Variants in UCK2 observed in about 807,000 individuals in gnomAD.
UCK2 encodes the protein cytidine monophosphokinase 2.
Under a neutral mutation model 30.8 loss-of-function variants are expected in UCK2, and 6 were observed. That is an observed-to-expected ratio of 0.19 (90% CI 0.11 to 0.38). UCK2 has a LOEUF of 0.38. Among genes scored for constraint, UCK2 ranks in the 10% least tolerant of loss-of-function variants. The probability of loss-of-function intolerance (pLI) is 1.00; values close to 1 mark genes in which losing one functional copy is unlikely to be tolerated. For missense variants in UCK2, 210 were observed against 339.8 expected, an observed-to-expected ratio of 0.62 and a Z score of 3.00; for synonymous variants, 125 against 133.6, an observed-to-expected ratio of 0.94 and a Z score of 0.45.
At chr1:165,903,128 G>A in intron 4 of UCK2, 54 bp from the exon 5 acceptor site, 2 of 1,422,806 alleles carry the variant, frequency 1.4e-6, no homozygotes, top group Admixed American at 1.8e-5. Flanking sequence ...TGAAGGGCGG[G>A]TGTGTGCTGG....
chr1:165,849,298 C>G (rs1321252287), intron 1 of UCK2, among the ~76,000 whole-genome samples: 1 of 152,080 alleles, frequency 6.6e-6, no homozygotes. Context: ...TGGAGGTGGT[C>G]AGGTGGTGGA....
chr1:165,891,833 C>T (rs1655777498), intron 3 of UCK2, among the ~76,000 whole-genome samples: 2 of 152,012 alleles, frequency 1.3e-5, no homozygotes. Flanking sequence ...AGTGAAGCCT[C>T]AATTTTAGTG....
chr1:165,878,077 A>C (rs974993309), intron 1 of UCK2, among the ~76,000 whole-genome samples: 3 of 152,310 alleles, frequency 2.0e-5, no homozygotes, highest in African/African-American at 7.2e-5. Flanking sequence ...GTTATCCACC[A>C]TTATAGCATC....
intron 5 of UCK2, among the ~76,000 whole-genome samples, chr1:165,903,717 CCA>C (rs1647561532): frequency 6.6e-6 from 1 of 152,220 alleles, no homozygotes; most frequent in Admixed American, 6.5e-5. Flanking sequence ...CCTGCCATCA[CCA>C]CTGAGCCCTG....
chr1:165,843,371 T>G (rs1341220058), intron 1 of UCK2, among the ~76,000 whole-genome samples: 5 of 152,192 alleles, frequency 3.3e-5, no homozygotes. Flanking sequence ...AAATGAACCC[T>G]ACATTTATGG....
At chr1:165,874,560 T>C (rs941466765) in intron 1 of UCK2, among the ~76,000 whole-genome samples, 1 of 152,190 alleles carries the variant, frequency 6.6e-6, no homozygotes, top group Non-Finnish European at 1.5e-5. Context: ...TTTGGATGTC[T>C]TTAATAGACA....
chr1:165,898,010 A>C (rs1389621567), intron 4 of UCK2: 1 of 152,112 alleles, frequency 6.6e-6, no homozygotes, highest in African/African-American at 2.4e-5. Context: ...GCTGGGTAAG[A>C]GTTGCATGGT....
intron 1 of UCK2, among the ~76,000 whole-genome samples, chr1:165,843,797 G>A (rs1654383806): frequency 6.6e-6 from 1 of 152,178 alleles, no homozygotes; most frequent in Admixed American, 6.5e-5. Context: ...TTAATCAGAA[G>A]TAACACATGT....
intron 1 of UCK2, among the ~76,000 whole-genome samples, chr1:165,864,160 C>G (rs952813309): frequency 6.6e-6 from 1 of 152,172 alleles, no homozygotes; most frequent in African/African-American, 2.4e-5. Flanking sequence ...GTTGGTCAGG[C>G]TGGTCTCGAA....
rs1433082925 is a variant in UCK2, at chr1:165,896,170, A to G, written c.357-20A>G. 6.2e-7 allele frequency: 1 copy of G among 1,613,532 alleles called. No homozygotes were observed. The highest frequency in any genetic ancestry group is 2.2e-5 in the East Asian group (1 of 44,882). ...TAGCCCCTGCCTGGCTTGGCCCATTATCTGCTCTGTGCTTTGCAGGAAGGA... is the reference window on the plus strand; with the variant it reads ...TAGCCCCTGCCTGGCTTGGCCCATTGTCTGCTCTGTGCTTTGCAGGAAGGA... On this transcript the variant is annotated intron_variant, in intron 3 of 6. Coordinates refer to ENST00000367879, the MANE Select transcript of UCK2 (RefSeq NM_012474.5).
intron 1 of UCK2, among the ~76,000 whole-genome samples, chr1:165,860,163 T>C (rs1452148994): frequency 6.6e-6 from 1 of 152,218 alleles, no homozygotes; most frequent in African/African-American, 2.4e-5. Flanking sequence ...GCTCACCCTG[T>C]GTCCCACTGC....
At chr1:165,831,959 G>T (rs1654059183) in intron 1 of UCK2, among the ~76,000 whole-genome samples, 1 of 152,038 alleles carries the variant, frequency 6.6e-6, no homozygotes, top group Non-Finnish European at 1.5e-5. Flanking sequence ...ATAGAGGTGG[G>T]GGTTTCACCA....
Position 165,891,267 on chromosome 1 carries a change from A to G in UCK2, c.301A>G (p.Ile101Val). 2 of 1,614,212 alleles carry G rather than the reference A, an allele frequency of 1.2e-6. No homozygotes were observed. The highest frequency in any genetic ancestry group is 1.3e-5 in the African/African-American group (1 of 75,058). ...ACTCATTCTCAAAACACTCAAAGAAATCACTGAAGGGAAAACAGTCCAGAT... is the reference window on the plus strand; with the variant it reads ...ACTCATTCTCAAAACACTCAAAGAAGTCACTGAAGGGAAAACAGTCCAGAT... ...NELILKTLKE[I>V]TEGKTVQIPV... is the part of the protein sequence containing the mutation. The change falls in exon 3 of 7, where the codon ATC (isoleucine) becomes GTC (valine). Residue 101 changes from isoleucine (I) to valine (V), a missense_variant. Transcript: ENST00000367879.
chr1:165,861,309 CT>C (rs1221229989), intron 1 of UCK2, among the ~76,000 whole-genome samples: 1 of 152,096 alleles, frequency 6.6e-6, no homozygotes, highest in African/African-American at 2.4e-5. Context: ...TTAGCAGCAA[CT>C]TTTCATATAA....
In UCK2 at chr1:165,895,591, G is replaced by A. The variant is rs1048321190; in HGVS notation, c.357-599G>A. 21 of 985,618 alleles carry A rather than the reference G, an allele frequency of 2.1e-5. No homozygotes were observed. The East Asian group carries it at 3.4e-4, about 16-fold the overall frequency. 61.1% of individuals were successfully genotyped at this position (985,618 alleles called of 1,614,324 possible). A position where few individuals can be genotyped will look rare whatever the true frequency, so the allele number is the denominator to read the frequency against. On this transcript the variant is annotated intron_variant, in intron 3 of 6. Coordinates refer to ENST00000367879, the MANE Select transcript of UCK2 (RefSeq NM_012474.5). ...GGCCACTTTGTTGGTTTGGGGTAGA[G>A]CCAGACCAGACAGACGTCGGGATTC... is the stretch of plus-strand genomic sequence containing the variant.
At chr1:165,872,712 G>A (rs974657645) in intron 1 of UCK2, among the ~76,000 whole-genome samples, 6 of 152,228 alleles carry the variant, frequency 3.9e-5, no homozygotes, top group South Asian at 4.1e-4. Context: ...TTAAAAAGGA[G>A]GCAGTCTTAA....
Position 165,909,271 on chromosome 1 carries a change from T to A in UCK2, c.*1448T>A, listed in dbSNP as rs930720161. ...CTGATTATAGAGTCCCGAGCCTCAGTTTCTGACTGCAGAAGAGCCAGAGAT... is the reference window on the plus strand; with the variant it reads ...CTGATTATAGAGTCCCGAGCCTCAGATTCTGACTGCAGAAGAGCCAGAGAT... On this transcript the variant is annotated 3_prime_UTR_variant, in exon 7 of 7. Coordinates refer to ENST00000367879, the MANE Select transcript of UCK2 (RefSeq NM_012474.5). 3.3e-5 allele frequency: 5 copies of A among 152,138 alleles called. No individual in the cohort carries two copies. Among genetic ancestry groups the A allele is most frequent in the African/African-American group, 1.2e-4 (5 of 41,416 alleles). The allele number at this position is 152,138 out of a possible 1,614,324, so 9.4% of individuals were successfully genotyped here.
At chr1:165,902,973 C>A in intron 4 of UCK2, 1 of 415,968 alleles carries the variant, frequency 2.4e-6, no homozygotes, top group South Asian at 4.6e-5. Flanking sequence ...TGTGTCATTG[C>A]CAAGTTTGAC....
At chr1:165,886,835 G>A (rs1655627486) in intron 1 of UCK2, among the ~76,000 whole-genome samples, 1 of 152,100 alleles carries the variant, frequency 6.6e-6, no homozygotes, top group African/African-American at 2.4e-5. Flanking sequence ...CAATAGAGAG[G>A]ATGATATAAC....
Sources: allele counts gnomAD v4.1 joint callset (sites outside exome capture counted in the v4.1 genomes callset), GRCh38; gene constraint gnomAD v4.1.1; transcripts MANE v1.5; gene names NCBI Gene and HGNC (gene_info 2026-07-23, HGNC 2026-07-21).